The following SEC22C variants were observed in gnomAD, a reference collection of about 807,000 sequenced individuals.
SEC22C encodes the protein SEC22 homolog C, vesicle trafficking protein.
In SEC22C, 29 loss-of-function variants were observed where a neutral mutation model predicts 34.7. The ratio of observed to expected loss-of-function variants is 0.84; its 90% CI spans 0.62 to 1.14. The LOEUF (loss-of-function observed/expected upper bound fraction) is 1.14. SEC22C is among the 50% of genes most tolerant of loss of function. The probability of loss-of-function intolerance (pLI) is 0.00; values close to 1 mark genes in which losing one functional copy is unlikely to be tolerated. For synonymous variants in SEC22C, 117 were observed against 132.8 expected, an observed-to-expected ratio of 0.88 and a Z score of 0.82; for missense variants, 337 against 369.0, an observed-to-expected ratio of 0.91 and a Z score of 0.71.
intron 1 of SEC22C, among the ~76,000 whole-genome samples, chr3:42,592,730 C>T (rs549356274): frequency 5.9e-5 from 9 of 152,164 alleles, no homozygotes; most frequent in African/African-American, 2.2e-4. Flanking sequence ...AAAATGGTTG[C>T]AAAACATTCC....
At chr3:42,591,200 C>CT in intron 1 of SEC22C, 1 of 460,076 alleles carries the variant, frequency 2.2e-6, no homozygotes, top group Non-Finnish European at 3.6e-6. Context: ...CCCTTTCTCT[C>CT]CTTTTTTTTT....
chr3:42,560,120 CTATATA>C (rs534462968), intron 4 of SEC22C, among the ~76,000 whole-genome samples: 3,210 of 92,882 alleles, frequency 0.035, 55 homozygotes, highest in Non-Finnish European at 0.051. Context: ...CTCTCTCTCT[CTATATA>C]TATATATATA....
rs199613074 is a variant in SEC22C, at chr3:42,552,975, GCT to G, written c.*271_*272del. On this transcript the variant is annotated 3_prime_UTR_variant, in exon 7 of 7. Coordinates refer to ENST00000264454, the MANE Select transcript of SEC22C (RefSeq NM_032970.4). ...TATTTCCTTTCTCTCTTCCAATAAA[GCT>G]CTTTCTGGATGAGCCCCCAGATCCA... 1,309 of 1,241,462 alleles carry G rather than the reference GCT, an allele frequency of 1.1e-3. 15 individuals are homozygous for G. The African/African-American group carries it at 0.019, about 18-fold the overall frequency. The allele number at this position is 1,241,462 out of a possible 1,614,324, so 76.9% of individuals were successfully genotyped here. A position where few individuals can be genotyped will look rare whatever the true frequency, so the allele number is the denominator to read the frequency against.
Position 42,551,597 on chromosome 3 carries a change from C to T in SEC22C, c.*1651G>A, listed in dbSNP as rs911845510. 5.0e-6 allele frequency: 4 copies of T among 799,962 alleles called. No homozygotes were observed. The Admixed American group carries it at 1.9e-4, about 37-fold the overall frequency. 49.6% of individuals were successfully genotyped at this position (799,962 alleles called of 1,614,324 possible). On this transcript the variant is annotated 3_prime_UTR_variant, in exon 7 of 7. Coordinates refer to ENST00000264454, the MANE Select transcript of SEC22C (RefSeq NM_032970.4). Reference sequence around the variant, plus strand: ...AACCGAGTCTCCTGCTTTGGCCTTCCAAAGTGCTGGGAATACAGGCATGAG... The same window carrying T: ...AACCGAGTCTCCTGCTTTGGCCTTCTAAAGTGCTGGGAATACAGGCATGAG...
chr3:42,590,756 A>T, intron 1 of SEC22C: 1 of 875,412 alleles, frequency 1.1e-6, no homozygotes, highest in Non-Finnish European at 1.9e-6. Context: ...CGCTGAGTAT[A>T]GCTCTTGCGC....
upstream of SEC22C, among the ~76,000 whole-genome samples, chr3:42,583,164 T>C (rs1268586164): frequency 6.6e-6 from 1 of 152,136 alleles, no homozygotes; most frequent in Non-Finnish European, 1.5e-5. Flanking sequence ...AAAATTGCAT[T>C]TTATAAAACT....
In SEC22C at chr3:42,550,775, C is replaced by T; in HGVS notation, c.*2473G>A. 3.0e-6 allele frequency: 3 copies of T among 985,094 alleles called. No individual in the cohort carries two copies. Among genetic ancestry groups the T allele is most frequent in the Non-Finnish European group, 3.6e-6 (3 of 829,892 alleles). The allele number at this position is 985,094 out of a possible 1,614,324, so 61.0% of individuals were successfully genotyped here. A position where few individuals can be genotyped will look rare whatever the true frequency, so the allele number is the denominator to read the frequency against. ...GCCTGCTGAATATGGATCATAGGCTCAGATGCCCAAAGCACCTGGGGTACA... is the reference window on the plus strand; with the variant it reads ...GCCTGCTGAATATGGATCATAGGCTTAGATGCCCAAAGCACCTGGGGTACA... On this transcript the variant is annotated 3_prime_UTR_variant, in exon 7 of 7. Coordinates refer to ENST00000264454, the MANE Select transcript of SEC22C (RefSeq NM_032970.4).
At chr3:42,562,322 C>T (rs1702974639) in intron 3 of SEC22C, among the ~76,000 whole-genome samples, 1 of 152,220 alleles carries the variant, frequency 6.6e-6, no homozygotes, top group South Asian at 2.1e-4. Flanking sequence ...CTACCGAGCT[C>T]CAAATCAACT....
upstream of SEC22C, among the ~76,000 whole-genome samples, chr3:42,584,330 C>T (rs1054111005): frequency 6.6e-6 from 1 of 152,218 alleles, no homozygotes; most frequent in African/African-American, 2.4e-5. Context: ...TCTCGGCCCA[C>T]TGCAACCTGC....
intron 1 of SEC22C, among the ~76,000 whole-genome samples, chr3:42,594,199 A>G (rs1044175333): frequency 6.6e-6 from 1 of 152,262 alleles, no homozygotes; most frequent in African/African-American, 2.4e-5. Context: ...GTCTACTGCA[A>G]TAGTTCAAGC....
intron 3 of SEC22C, among the ~76,000 whole-genome samples, chr3:42,561,823 G>A (rs959780127): frequency 7.2e-5 from 11 of 152,112 alleles, no homozygotes; most frequent in Non-Finnish European, 1.3e-4. Context: ...AAATGTGATT[G>A]ACTAAAAAGG....
intron 2 of SEC22C, chr3:42,565,808 A>G (rs1486175631): frequency 2.3e-6 from 1 of 440,044 alleles, no homozygotes; most frequent in African/African-American, 2.0e-5. Context: ...GTTTGAAGCC[A>G]GTTTGTGGTC....
chr3:42,553,340 G>A lies in SEC22C; in HGVS notation c.820C>T (p.Gln274Ter). 6.2e-7 allele frequency: 1 copy of A among 1,614,180 alleles called. No homozygotes were observed. The highest frequency in any genetic ancestry group is 8.5e-7 in the Non-Finnish European group (1 of 1,180,042). ...MYLHGLRNLW[Q>*]ILFHIGVAFL... ...GCCACTCCTATGTGGAAAAGGATTT[G>A]CCAGAGGTTCCTCAGCCCGTGCAGG... is the stretch of plus-strand genomic sequence containing the variant. Residue 274 changes from glutamine (Q) to a stop codon, truncating the protein, a stop_gained, in exon 7 of 7, where the codon CAA becomes TAA. Transcript: ENST00000264454. LOFTEE classifies it high-confidence loss of function.
At position 42,551,382 on chromosome 3, in the gene SEC22C, T is replaced by C. The variant is rs342537; in HGVS notation, c.*1866A>G. On this transcript the variant is annotated 3_prime_UTR_variant, in exon 7 of 7. Coordinates refer to ENST00000264454, the MANE Select transcript of SEC22C (RefSeq NM_032970.4). ...TTAGAGACAGGGTTTCACTCTGTCA[T>C]GCAGGCTGGGGTGCAGTGGTGTGAT... 350,761 of 970,138 alleles carry C rather than the reference T, an allele frequency of 0.36. 68,633 individuals carry two copies. The highest frequency in any genetic ancestry group is 0.75 in the African/African-American group (42,850 of 57,010). 60.1% of individuals were successfully genotyped at this position (970,138 alleles called of 1,614,324 possible).
In SEC22C at chr3:42,553,229, A is replaced by T. The variant is rs544835457; in HGVS notation, c.*19T>A. 3 of 1,612,846 alleles carry T rather than the reference A, an allele frequency of 1.9e-6. No individual in the cohort carries two copies. In the African/African-American group the frequency reaches 4.0e-5, roughly 22 times the overall value. On this transcript the variant is annotated 3_prime_UTR_variant, in exon 7 of 7. Coordinates refer to ENST00000264454, the MANE Select transcript of SEC22C (RefSeq NM_032970.4). ...TCCTCAAAAGAAAATCAAAGAATCC[A>T]TTCATCACAGTGTCATCCTCATACT...
At chr3:42,568,012 C>T (rs566353617) in intron 2 of SEC22C, among the ~76,000 whole-genome samples, 9 of 152,086 alleles carry the variant, frequency 5.9e-5, no homozygotes, top group Admixed American at 2.6e-4. Context: ...GCAGAGGTTG[C>T]AGTGTGCAGA....
intron 1 of SEC22C, chr3:42,590,988 C>A: frequency 1.1e-4 from 6 of 54,222 alleles, no homozygotes; most frequent in African/African-American, 3.7e-4. Flanking sequence ...CGCGGGCGGG[C>A]GGGCGGGCGG....
In SEC22C at chr3:42,550,961, C is replaced by A. The variant is rs200555805; in HGVS notation, c.*2287G>T. 2.2e-5 allele frequency: 17 copies of A among 775,042 alleles called. No homozygotes were observed. Among genetic ancestry groups the A allele is most frequent in the Admixed American group, 1.9e-4 (3 of 15,922 alleles). 48.0% of individuals were successfully genotyped at this position (775,042 alleles called of 1,614,324 possible). ...TCGGCTCACTGCAACCTCCACCTCC[C>A]GGGTTCAAGAGATTCTCCTGCCTCA... On this transcript the variant is annotated 3_prime_UTR_variant, in exon 7 of 7. Transcript: ENST00000264454.
intron 1 of SEC22C, chr3:42,600,451 AT>A (rs1394024993): frequency 6.6e-6 from 1 of 151,816 alleles, no homozygotes; most frequent in Admixed American, 6.6e-5. Context: ...CGGCTTTCAG[AT>A]TGGGCGACTG....
Sources: allele counts gnomAD v4.1 joint callset (sites outside exome capture counted in the v4.1 genomes callset), GRCh38; gene constraint gnomAD v4.1.1; transcripts MANE v1.5; gene names NCBI Gene and HGNC (gene_info 2026-07-23, HGNC 2026-07-21).